NNT: variants seen among roughly 807,000 people sequenced by gnomAD.
The protein encoded by NNT is nicotinamide nucleotide transhydrogenase.
Under a neutral mutation model 104.8 loss-of-function variants are expected in NNT, and 50 were observed. That is an observed-to-expected ratio of 0.48 (90% CI 0.38 to 0.60). NNT has a LOEUF of 0.60. Among genes scored for constraint, NNT ranks in the 20% least tolerant of loss-of-function variants. The pLI, the probability that NNT is intolerant of heterozygous loss-of-function variation, is 0.00. For synonymous variants in NNT, 461 were observed against 490.4 expected, an observed-to-expected ratio of 0.94 and a Z score of 0.79; for missense variants, 1,131 against 1,330.7, an observed-to-expected ratio of 0.85 and a Z score of 2.33.
chr5:43,665,868 C>T (rs1329336310), intron 17 of NNT, among the ~76,000 whole-genome samples: 4 of 151,238 alleles, frequency 2.6e-5, no homozygotes, highest in Admixed American at 6.6e-5. Flanking sequence ...CCCCCATCTC[C>T]TGGACGGGGC....
chr5:43,626,881 CAT>C (rs1750398027), intron 6 of NNT, among the ~76,000 whole-genome samples: 1 of 150,946 alleles, frequency 6.6e-6, no homozygotes, highest in African/African-American at 2.4e-5. Flanking sequence ...ATATATATAA[CAT>C]ATAAATACAA....
intron 17 of NNT, among the ~76,000 whole-genome samples, chr5:43,673,254 TGCTTTG>T (rs554549221): frequency 5.0e-4 from 76 of 152,196 alleles, no homozygotes; most frequent in Admixed American, 1.2e-3. Context: ...TGCCTCGCCC[TGCTTTG>T]GCTCACGCTT....
chr5:43,668,016 C>T (rs575636372), intron 17 of NNT, among the ~76,000 whole-genome samples: 3 of 152,304 alleles, frequency 2.0e-5, no homozygotes, highest in African/African-American at 7.2e-5. Flanking sequence ...TCTCTGATGG[C>T]CAGTGATGAT....
intron 3 of NNT, 174 bp downstream of exon 3, chr5:43,613,311 T>C: frequency 1.7e-6 from 1 of 579,698 alleles, no homozygotes; most frequent in South Asian, 2.3e-5. Context: ...GTAAAACTTT[T>C]ATCAGACAAT....
Position 43,707,324 on chromosome 5 carries a change from G to T in NNT, c.*2920G>T, listed in dbSNP as rs1743121926. The T allele has an allele frequency of 6.6e-6, 1 of 152,004 alleles. No individual in the cohort carries two copies. Among genetic ancestry groups the T allele is most frequent in the South Asian group, 2.1e-4 (1 of 4,830 alleles). The allele number at this position is 152,004 out of a possible 1,614,324, so 9.4% of individuals were successfully genotyped here. ...AGGTAATGCACATATTAATTAGAAA[G>T]ATTTTGTCATTCCACAATGTATATA... On this transcript the variant is annotated 3_prime_UTR_variant, in exon 22 of 22. Coordinates refer to ENST00000344920, the MANE Select transcript of NNT (RefSeq NM_182977.3).
In NNT at chr5:43,613,061, C is replaced by T. The variant is rs370348753; in HGVS notation, c.305C>T (p.Ser102Leu). Residue 102 changes from serine to leucine, a missense_variant, in exon 3 of 22, where the codon TCA (serine) becomes TTA (leucine). By Grantham distance (145) the Ser-to-Leu change is moderately radical. Transcript: ENST00000344920. ...GGTGCGGGCGAAGCTTCCAAGTTCTCAGATGATCACTATAGAGTGGCAGGT... is the reference window on the plus strand; with the variant it reads ...GGTGCGGGCGAAGCTTCCAAGTTCTTAGATGATCACTATAGAGTGGCAGGT... ...ESGAGEASKF[S>L]DDHYRVAGAQ... 1 of 1,614,128 alleles carries T rather than the reference C, an allele frequency of 6.2e-7. No homozygotes were observed. The highest frequency in any genetic ancestry group is 1.1e-5 in the South Asian group (1 of 91,084).
intron 5 of NNT, among the ~76,000 whole-genome samples, chr5:43,621,249 T>A (rs1298134232): frequency 6.6e-6 from 1 of 152,226 alleles, no homozygotes; most frequent in Non-Finnish European, 1.5e-5. Flanking sequence ...TATGTGATTT[T>A]TGTTGCCATT....
intron 1 of NNT, among the ~76,000 whole-genome samples, chr5:43,607,618 A>AT (rs992925994): frequency 1.1e-4 from 16 of 152,212 alleles, no homozygotes; most frequent in African/African-American, 3.1e-4. Context: ...CGCCCGGCTA[A>AT]TTTTTTGTAT....
chr5:43,648,121 C>G lies in NNT; in HGVS notation c.1445-1026C>G. On this transcript the variant is annotated intron_variant, in intron 10 of 21. Transcript: ENST00000344920. ...ACTGGAAGACAAAATAGTGTTGTAT[C>G]TAACTCTCTCACCAGATGGTTAATG... The G allele has an allele frequency of 2.5e-6, 3 of 1,192,520 alleles. No homozygotes were observed. The South Asian group carries it at 4.8e-5, about 19-fold the overall frequency. The allele number at this position is 1,192,520 out of a possible 1,614,324, so 73.9% of individuals were successfully genotyped here. A position where few individuals can be genotyped will look rare whatever the true frequency, so the allele number is the denominator to read the frequency against.
intron 19 of NNT, among the ~76,000 whole-genome samples, chr5:43,683,895 T>C (rs1305908441): frequency 1.3e-5 from 2 of 152,294 alleles, no homozygotes; most frequent in African/African-American, 4.8e-5. Flanking sequence ...ATTCTGGGCC[T>C]GGTAGTTGGA....
chr5:43,657,621 G>T (rs1159540904), intron 16 of NNT, among the ~76,000 whole-genome samples: 1 of 152,110 alleles, frequency 6.6e-6, no homozygotes, highest in African/African-American at 2.4e-5. Context: ...GTGTAAAAAT[G>T]ATACTTATTT....
At chr5:43,609,000 G>A in intron 1 of NNT, 143 bp from the exon 2 acceptor site, 1 of 432,168 alleles carries the variant, frequency 2.3e-6, no homozygotes, top group Non-Finnish European at 4.0e-6. Context: ...TAAGGAACTT[G>A]GCAAATAAAT....
intron 17 of NNT, among the ~76,000 whole-genome samples, chr5:43,661,783 G>C (rs567739944): frequency 4.1e-4 from 63 of 152,040 alleles, no homozygotes; most frequent in African/African-American, 1.4e-3. Context: ...GTGTATATGT[G>C]CCACATTTTC....
intron 18 of NNT, among the ~76,000 whole-genome samples, chr5:43,676,985 A>G (rs1236959323): frequency 6.6e-6 from 1 of 152,152 alleles, no homozygotes; most frequent in Non-Finnish European, 1.5e-5. Context: ...TGCAGGTAGA[A>G]TGGACAGAAA....
chr5:43,681,175 G>C (rs2112130635), intron 19 of NNT, among the ~76,000 whole-genome samples: 1 of 150,634 alleles, frequency 6.6e-6, no homozygotes, highest in African/African-American at 2.4e-5. Context: ...CAGGAGAATG[G>C]CGTGAACCCA....
intron 10 of NNT, 197 bp downstream of exon 10, chr5:43,645,707 A>ATTTTTTT (rs1561286676): frequency 7.0e-5 from 6 of 85,240 alleles, no homozygotes; most frequent in African/African-American, 2.1e-4. Context: ...ATATATATAT[A>ATTTTTTT]TATTTTTTTT....
intron 4 of NNT, among the ~76,000 whole-genome samples, 158 bp downstream of exon 4, chr5:43,616,223 GT>G (rs1265493610): frequency 1.8e-4 from 28 of 152,196 alleles, no homozygotes; most frequent in African/African-American, 6.3e-4. Flanking sequence ...TCATTTTATT[GT>G]TTTACAGTAA....
chr5:43,671,394 T>G (rs1457277178), intron 17 of NNT, among the ~76,000 whole-genome samples: 1 of 152,228 alleles, frequency 6.6e-6, no homozygotes, highest in Non-Finnish European at 1.5e-5. Context: ...GTCTTTACAA[T>G]TTGGCATGTT....
intron 5 of NNT, 119 bp from the exon 6 acceptor site, chr5:43,623,913 C>G: frequency 1.1e-6 from 1 of 886,592 alleles, no homozygotes; most frequent in Admixed American, 1.7e-5. Flanking sequence ...ATCATTATCA[C>G]CATCTGCACC....
Sources: gnomAD v4.1 joint callset for allele counts (sites outside exome capture counted in the v4.1 genomes callset) on GRCh38, gnomAD v4.1.1 for gene constraint, MANE v1.5 for transcripts, NCBI Gene and HGNC (gene_info 2026-07-23, HGNC 2026-07-21) for gene names.